NTNG1: variants seen among roughly 807,000 people sequenced by gnomAD.
The protein encoded by NTNG1 is netrin G1.
In NTNG1, 16 loss-of-function variants were observed where a neutral mutation model predicts 54.0. The ratio of observed to expected loss-of-function variants is 0.30; its 90% confidence interval spans 0.20 to 0.45. The LOEUF (loss-of-function observed/expected upper bound fraction) is 0.45, where lower values mean the gene tolerates loss of function less well. Ranked by LOEUF, NTNG1 falls within the 20% of genes least tolerant of loss-of-function variation. NTNG1 has a pLI of 1.00. For synonymous variants in NTNG1, 255 were observed against 263.1 expected (o/e 0.97, Z 0.30); for missense variants, 530 against 678.7 (o/e 0.78, Z 2.43).
chr1:107,297,998 G>T (rs182785132), intron 2 of NTNG1, among the ~76,000 whole-genome samples: 5 of 152,172 alleles, frequency 3.3e-5, no homozygotes, highest in Admixed American at 6.6e-5. Context: ...TGACATTGCA[G>T]ATAATCAAAT....
intron 3 of NTNG1, among the ~76,000 whole-genome samples, chr1:107,361,442 T>C (rs1412197946): frequency 7.0e-6 from 1 of 141,868 alleles, no homozygotes; most frequent in Non-Finnish European, 1.5e-5. Flanking sequence ...CAGGCTGGAG[T>C]GCAATGGCGT....
At chr1:107,350,291 A>C (rs1451720472) in intron 3 of NTNG1, among the ~76,000 whole-genome samples, 3 of 152,152 alleles carry the variant, frequency 2.0e-5, no homozygotes, top group Admixed American at 1.3e-4. Flanking sequence ...CTAATTCTTC[A>C]TCAGTTTTAT....
intron 7 of NTNG1, among the ~76,000 whole-genome samples, chr1:107,440,432 AC>A (rs1431172902): frequency 6.6e-6 from 1 of 152,282 alleles, no homozygotes; most frequent in East Asian, 1.9e-4. Context: ...AGAGGAAATT[AC>A]TTGGCCCGTC....
At chr1:107,141,899 CA>C (rs938827295) in intron 1 of NTNG1, among the ~76,000 whole-genome samples, 4 of 151,776 alleles carry the variant, frequency 2.6e-5, no homozygotes, top group Non-Finnish European at 5.9e-5. Context: ...ACAAAAAAAA[CA>C]AAAAAACACT....
At position 107,482,998 on chromosome 1, in the gene NTNG1, G is replaced by A. The variant is rs576716601; in HGVS notation, c.*2158G>A. 6.6e-6 allele frequency: 1 copy of A among 152,290 alleles called. No individual in the cohort carries two copies. The highest frequency in any genetic ancestry group is 1.9e-4 in the East Asian group (1 of 5,180). 9.4% of individuals were successfully genotyped at this position (152,290 alleles called of 1,614,324 possible). ...GGCTTAGTGCCAGAGTGGCCAACCAGAAATTGGAGATTTACGTTGGAAGCA... is the reference window on the plus strand; with the variant it reads ...GGCTTAGTGCCAGAGTGGCCAACCAAAAATTGGAGATTTACGTTGGAAGCA... On this transcript the variant is annotated 3_prime_UTR_variant, in exon 8 of 8. Transcript: ENST00000370068.
In NTNG1 at chr1:107,266,629, T is replaced by C. The variant is rs1302444930; in HGVS notation, c.247-57653T>C. On this transcript the variant is annotated intron_variant, in intron 2 of 7. Transcript: ENST00000370068. ...CTTAGCAACATTGTTTTTTTTTTTT[T>C]TTAAGTTTAGACCTGGTGTTACAAC... Among the ~76,000 whole-genome samples the C allele has an allele frequency of 4.6e-5, 7 of 151,868 alleles. No homozygotes were observed. In the South Asian group the frequency reaches 6.3e-4, roughly 14 times the overall value.
intron 2 of NTNG1, among the ~76,000 whole-genome samples, chr1:107,271,729 C>T (rs1291298664): frequency 1.3e-5 from 2 of 151,834 alleles, no homozygotes; most frequent in Non-Finnish European, 2.9e-5. Context: ...TGGATGTTTC[C>T]CCATCTTTAG....
intron 2 of NTNG1, among the ~76,000 whole-genome samples, chr1:107,194,663 G>A (rs1245799084): frequency 6.6e-6 from 1 of 152,014 alleles, no homozygotes; most frequent in African/African-American, 2.4e-5. Context: ...ATTTTTAGTA[G>A]ACACTGTTAA....
chr1:107,404,698 T>TA (rs1570886658), intron 4 of NTNG1, among the ~76,000 whole-genome samples: 1 of 151,888 alleles, frequency 6.6e-6, no homozygotes. Context: ...GCAAACACAT[T>TA]AAAAAAATGC....
At chr1:107,434,741 G>A (rs766426629) in intron 6 of NTNG1, among the ~76,000 whole-genome samples, 19 of 152,066 alleles carry the variant, frequency 1.2e-4, no homozygotes, top group East Asian at 3.9e-4. Context: ...GGTATTTTAC[G>A]TTGCTTTGTA....
intron 3 of NTNG1, among the ~76,000 whole-genome samples, chr1:107,365,611 T>C (rs1189384852): frequency 6.6e-6 from 1 of 152,110 alleles, no homozygotes; most frequent in Non-Finnish European, 1.5e-5. Context: ...AATTCAGCCA[T>C]AATACAGAAT....
At chr1:107,247,071 A>T (rs1175178066) in intron 2 of NTNG1, among the ~76,000 whole-genome samples, 1 of 152,196 alleles carries the variant, frequency 6.6e-6, no homozygotes, top group Non-Finnish European at 1.5e-5. Context: ...ACATTTGAGG[A>T]GACCACTGTG....
chr1:107,352,996 T>C (rs1669718375), intron 3 of NTNG1, among the ~76,000 whole-genome samples: 1 of 152,052 alleles, frequency 6.6e-6, no homozygotes, highest in African/African-American at 2.4e-5. Context: ...AACCATTTTT[T>C]CCTCCTAGGT....
intron 2 of NTNG1, among the ~76,000 whole-genome samples, chr1:107,298,818 G>A (rs1327928489): frequency 6.6e-6 from 1 of 152,120 alleles, no homozygotes; most frequent in Non-Finnish European, 1.5e-5. Flanking sequence ...AGCATGATTG[G>A]AGAAAGGAAT....
At chr1:107,454,727 G>A (rs1676830995) in intron 7 of NTNG1, among the ~76,000 whole-genome samples, 1 of 152,148 alleles carries the variant, frequency 6.6e-6, no homozygotes, top group South Asian at 2.1e-4. Context: ...TGAAAAAGAG[G>A]TAACCTTATT....
In NTNG1 at chr1:107,480,766, G is replaced by A; in HGVS notation, c.1546G>A (p.Ala516Thr). 6.2e-7 allele frequency: 1 copy of A among 1,604,130 alleles called. No individual in the cohort carries two copies. The highest frequency in any genetic ancestry group is 8.5e-7 in the Non-Finnish European group (1 of 1,176,878). The change falls in exon 8 of 8, where the codon GCG becomes ACG. Residue 516 changes from alanine (A) to threonine (T), a missense_variant. Ala to Thr is a moderately conservative substitution (Grantham distance 58). Coordinates refer to ENST00000370068, the MANE Select transcript of NTNG1 (RefSeq NM_001113226.3). ...GSCGSDSGQG[A>T]PPHGSPALLL... ...CTGCGGCTCCGACTCTGGCCAGGGC[G>A]CGCCCCCGCACGGCTCCCCAGCGCT...
At chr1:107,360,675 T>G (rs1268946002) in intron 3 of NTNG1, among the ~76,000 whole-genome samples, 2 of 152,256 alleles carry the variant, frequency 1.3e-5, no homozygotes, top group African/African-American at 4.8e-5. Flanking sequence ...CTGTGAAATT[T>G]TATCTGCATT....
At chr1:107,144,678 T>A (rs1348279091) in intron 1 of NTNG1, among the ~76,000 whole-genome samples, 1 of 152,020 alleles carries the variant, frequency 6.6e-6, no homozygotes, top group Non-Finnish European at 1.5e-5. Context: ...GACAAATACA[T>A]GTTTTGTGTG....
At chr1:107,250,823 C>T (rs1485345966) in intron 2 of NTNG1, among the ~76,000 whole-genome samples, 1 of 152,200 alleles carries the variant, frequency 6.6e-6, no homozygotes, top group African/African-American at 2.4e-5. Flanking sequence ...AGCCAACCCG[C>T]CAGGCAACTG....
Sources: allele counts gnomAD v4.1 joint callset (sites outside exome capture counted in the v4.1 genomes callset), GRCh38; gene constraint gnomAD v4.1.1; transcripts MANE v1.5; gene names NCBI Gene and HGNC (gene_info 2026-07-23, HGNC 2026-07-21).